DENND2A: variants seen among roughly 807,000 people sequenced by gnomAD.
The protein encoded by DENND2A is DENN domain containing 2A.
In DENND2A, 53 loss-of-function variants were observed where a neutral mutation model predicts 105.3. The ratio of observed to expected loss-of-function variants is 0.50; its 90% CI spans 0.40 to 0.63. The LOEUF (loss-of-function observed/expected upper bound fraction) is 0.63, where lower values mean the gene tolerates loss of function less well. Ranked by LOEUF, DENND2A falls within the 30% of genes least tolerant of loss-of-function variation. The pLI is 0.00. For missense variants in DENND2A, 1,138 were observed against 1,279.6 expected (o/e 0.89, Z 1.69); for synonymous variants, 522 against 508.4 (o/e 1.03, Z -0.36).
At chr7:140,633,381 C>T (rs1800804470) in intron 1 of DENND2A, among the ~76,000 whole-genome samples, 1 of 151,772 alleles carries the variant, frequency 6.6e-6, no homozygotes, top group Non-Finnish European at 1.5e-5. Flanking sequence ...TCTCAAACTC[C>T]CGACCTCAAG....
In DENND2A at chr7:140,602,431, C is replaced by A; in HGVS notation, c.-34G>T. 6.6e-7 allele frequency: 1 copy of A among 1,514,270 alleles called. No individual in the cohort carries two copies. Among genetic ancestry groups the A allele is most frequent in the Non-Finnish European group, 8.8e-7 (1 of 1,137,146 alleles). 93.8% of individuals were successfully genotyped at this position (1,514,270 alleles called of 1,614,324 possible). On this transcript the variant is annotated 5_prime_UTR_variant, in exon 3 of 20. Coordinates refer to ENST00000496613, the MANE Select transcript of DENND2A (RefSeq NM_015689.5). ...CTAGCGTGAGGTTGTGGAGGCCTTC[C>A]AGGGGACTCCTTCTGAAGCCTGACT...
chr7:140,610,963 G>T (rs1799873933), intron 1 of DENND2A, among the ~76,000 whole-genome samples: 1 of 152,258 alleles, frequency 6.6e-6, no homozygotes, highest in Non-Finnish European at 1.5e-5. Flanking sequence ...ACAGCCTTAA[G>T]GGCTAGGAGC....
intron 3 of DENND2A, among the ~76,000 whole-genome samples, chr7:140,594,494 G>A (rs1264216840): frequency 6.6e-6 from 1 of 152,098 alleles, no homozygotes; most frequent in Non-Finnish European, 1.5e-5. Context: ...GATCCCATCT[G>A]TTTCCCTGAT....
chr7:140,562,247 T>C (rs943078593), intron 9 of DENND2A, among the ~76,000 whole-genome samples: 5 of 152,106 alleles, frequency 3.3e-5, no homozygotes, highest in Admixed American at 6.6e-5. Flanking sequence ...CCAGCAGTCC[T>C]GTTCACTGCT....
At chr7:140,564,294 A>T (rs1205612647) in intron 9 of DENND2A, among the ~76,000 whole-genome samples, 28 of 142,054 alleles carry the variant, frequency 2.0e-4, no homozygotes, top group African/African-American at 7.2e-4. Context: ...AAAAAAAAAA[A>T]AAATACACAC....
At chr7:140,584,107 A>T (rs1798673735) in intron 5 of DENND2A, among the ~76,000 whole-genome samples, 1 of 144,120 alleles carries the variant, frequency 6.9e-6, no homozygotes, top group South Asian at 2.2e-4. Context: ...CCAGGCGTGG[A>T]GGCGCATGCC....
chr7:140,519,621 C>T lies in DENND2A; in HGVS notation c.2998+11G>A, dbSNP rs759170730. ...GCACACAGGCTGGGCACCCAGAGCC[C>T]GGGGCCTTACCTAGTCCCTTCAGGA... On this transcript the variant is annotated intron_variant, in intron 19 of 19. Transcript: ENST00000496613. 6.8e-6 allele frequency: 11 copies of T among 1,613,200 alleles called. No individual in the cohort carries two copies. Among genetic ancestry groups the T allele is most frequent in the East Asian group, 4.5e-5 (2 of 44,866 alleles).
At chr7:140,608,021 T>C (rs1414254850) in intron 1 of DENND2A, among the ~76,000 whole-genome samples, 1 of 152,172 alleles carries the variant, frequency 6.6e-6, no homozygotes, top group Non-Finnish European at 1.5e-5. Flanking sequence ...AGTTTCCCTA[T>C]AGTTCTCAGG....
intron 6 of DENND2A, 115 bp from the exon 7 acceptor site, chr7:140,569,853 G>T (rs1170179593): frequency 2.7e-6 from 2 of 731,022 alleles, no homozygotes; most frequent in Non-Finnish European, 4.9e-6. Context: ...AGGGGGAGTG[G>T]GAGAAACTTC....
chr7:140,588,976 CA>C (rs1798902351), intron 3 of DENND2A, among the ~76,000 whole-genome samples: 1 of 152,068 alleles, frequency 6.6e-6, no homozygotes, highest in South Asian at 2.1e-4. Flanking sequence ...CTCCTGACCC[CA>C]GGTGATCTGC....
chr7:140,637,831 C>T (rs1158552921), intron 1 of DENND2A, among the ~76,000 whole-genome samples: 2 of 152,164 alleles, frequency 1.3e-5, no homozygotes, highest in African/African-American at 4.8e-5. Flanking sequence ...GATAAGCCTC[C>T]TTCCCTTTAT....
intron 12 of DENND2A, among the ~76,000 whole-genome samples, chr7:140,553,603 T>C (rs543497886): frequency 1.5e-3 from 226 of 152,220 alleles, no homozygotes; most frequent in Middle Eastern, 3.4e-3. Context: ...TGAGGAGAAA[T>C]CTTGGACAAT....
At chr7:140,529,700 A>G (rs994922451) in intron 14 of DENND2A, among the ~76,000 whole-genome samples, 1 of 151,696 alleles carries the variant, frequency 6.6e-6, no homozygotes, top group African/African-American at 2.4e-5. Flanking sequence ...AGAACAAAAA[A>G]CCAAACACCA....
rs1198231825 is a variant in DENND2A, at chr7:140,602,216, G to A, written c.182C>T (p.Thr61Ile). ...GTCTGCTCTCCTGCTGGGTGCAGGA[G>A]TGGGCACCTCTTTCTTCCCTTCCCA... ...SEWEGKKEVP[T>I]PAPSRRADGQ... is the part of the protein sequence containing the mutation. The change falls in exon 3 of 20, where the codon ACT becomes ATT. Residue 61 changes from threonine (T) to isoleucine (I), a missense_variant. By Grantham distance (89) the Thr-to-Ile change is moderately conservative. Coordinates refer to ENST00000496613, the MANE Select transcript of DENND2A (RefSeq NM_015689.5). 6.2e-7 allele frequency: 1 copy of A among 1,614,128 alleles called. No homozygotes were observed. The highest frequency in any genetic ancestry group is 1.7e-5 in the Admixed American group (1 of 60,026).
At chr7:140,632,218 A>C (rs1800757316) in intron 1 of DENND2A, among the ~76,000 whole-genome samples, 1 of 152,250 alleles carries the variant, frequency 6.6e-6, no homozygotes, top group Non-Finnish European at 1.5e-5. Context: ...GGCAGTTACT[A>C]TTTTTCCATG....
intron 12 of DENND2A, among the ~76,000 whole-genome samples, chr7:140,554,198 C>T (rs1797266909): frequency 6.6e-6 from 1 of 151,730 alleles, no homozygotes; most frequent in Non-Finnish European, 1.5e-5. Context: ...TGCACTCCAG[C>T]CTGGCGACAG....
intron 1 of DENND2A, among the ~76,000 whole-genome samples, chr7:140,613,095 C>T (rs1799958892): frequency 6.7e-6 from 1 of 150,088 alleles, no homozygotes; most frequent in Non-Finnish European, 1.5e-5. Context: ...GCCTGGGCAA[C>T]AAGAGCGAAA....
In DENND2A at chr7:140,601,651, G is replaced by C. The variant is rs1297660931; in HGVS notation, c.747C>G (p.Asn249Lys). ...CRRPWDRSLE[N>K]VYRGSEGSPT... is the part of the protein sequence containing the mutation. ...GGGAACCCTCCGAGCCCCTATACAC[G>C]TTCTCAAGGCTCCGGTCCCAGGGCC... The change falls in exon 3 of 20, where the codon AAC (asparagine) becomes AAG (lysine). Residue 249 changes from asparagine to lysine, a missense_variant. Asn to Lys is a moderately conservative substitution (Grantham distance 94). Coordinates refer to ENST00000496613, the MANE Select transcript of DENND2A (RefSeq NM_015689.5). 1.2e-6 allele frequency: 2 copies of C among 1,612,918 alleles called. No homozygotes were observed. Among genetic ancestry groups the C allele is most frequent in the Admixed American group, 1.7e-5 (1 of 59,956 alleles).
At chr7:140,631,748 T>G (rs1478467136) in intron 1 of DENND2A, among the ~76,000 whole-genome samples, 1 of 152,258 alleles carries the variant, frequency 6.6e-6, no homozygotes, top group East Asian at 1.9e-4. Flanking sequence ...ACACACTTCA[T>G]GACAAATCTG....
Sources: gnomAD v4.1 joint callset for allele counts (sites outside exome capture counted in the v4.1 genomes callset) on GRCh38, gnomAD v4.1.1 for gene constraint, MANE v1.5 for transcripts, NCBI Gene and HGNC (gene_info 2026-07-23, HGNC 2026-07-21) for gene names.